The following SPATS2L variants were observed in gnomAD, a reference collection of about 807,000 sequenced individuals.
SPATS2L encodes spermatogenesis associated serine rich 2 like.
In SPATS2L, 30 loss-of-function variants were observed where a neutral mutation model predicts 59.6. That is an observed-to-expected ratio of 0.50 (90% CI 0.38 to 0.68). The LOEUF is 0.68. SPATS2L is among the 30% of genes least tolerant of loss of function. SPATS2L has a pLI of 0.00. For synonymous variants in SPATS2L, 252 were observed against 263.5 expected (o/e 0.96, Z 0.42); for missense variants, 615 against 700.0 (o/e 0.88, Z 1.37).
rs746644267 is a variant in SPATS2L, at chr2:200,389,265, T to C, written c.21T>C (p.His7=). 7 of 1,584,946 alleles carry C rather than the reference T, an allele frequency of 4.4e-6. No homozygotes were observed. Among genetic ancestry groups the C allele is most frequent in the South Asian group, 1.2e-5 (1 of 86,350 alleles). The change falls in exon 3 of 13, where the codon CAT becomes CAC. Residue 7 remains histidine, a synonymous_variant. Coordinates refer to ENST00000409140, the MANE Select transcript of SPATS2L (RefSeq NM_001100423.2). The part of the protein sequence containing the change: MAELNT[H]VNVKEKIYAV... ...GCAAGATGGCTGAACTCAATACTCA[T>C]GTGAATGTCAAGGAAAAGGTAAGAT...
chr2:200,474,123 T>G (rs984827153), intron 12 of SPATS2L, among the ~76,000 whole-genome samples: 92 of 150,920 alleles, frequency 6.1e-4, no homozygotes, highest in African/African-American at 2.3e-3. Context: ...TTTGTAAGAC[T>G]TTAAAAATGG....
At chr2:200,476,017 G>A (rs1211575781) in intron 12 of SPATS2L, among the ~76,000 whole-genome samples, 2 of 152,248 alleles carry the variant, frequency 1.3e-5, no homozygotes, top group East Asian at 3.9e-4. Flanking sequence ...CTTAAAGGGT[G>A]ATTCTGATGT....
At chr2:200,306,498 G>C, upstream of SPATS2L, 2 of 1,002,342 alleles carry the variant, frequency 2.0e-6, no homozygotes, top group Non-Finnish European at 2.4e-6. Context: ...GACGAGATCT[G>C]TGTCAGAACG....
upstream of SPATS2L, chr2:200,306,476 G>A (rs1574341739): frequency 1.0e-6 from 1 of 1,002,322 alleles, no homozygotes; most frequent in Non-Finnish European, 1.2e-6. Flanking sequence ...AGCTAGGGAG[G>A]GCGTGTGGAG....
At chr2:200,380,851 T>G (rs2081785040) in intron 2 of SPATS2L, among the ~76,000 whole-genome samples, 1 of 152,238 alleles carries the variant, frequency 6.6e-6, no homozygotes, top group Non-Finnish European at 1.5e-5. Context: ...CTAAGTATAT[T>G]CATATGAAAT....
At chr2:200,325,489 CTG>C (rs1479720333) in intron 1 of SPATS2L, among the ~76,000 whole-genome samples, 3 of 152,168 alleles carry the variant, frequency 2.0e-5, no homozygotes, top group African/African-American at 7.2e-5. Context: ...AGTAATTCTG[CTG>C]CCTCAGCCTC....
At chr2:200,468,799 T>C (rs1008226349) in intron 10 of SPATS2L, among the ~76,000 whole-genome samples, 1 of 152,242 alleles carries the variant, frequency 6.6e-6, no homozygotes, top group Non-Finnish European at 1.5e-5. Flanking sequence ...TGGACTTCAA[T>C]ATATGTTCCA....
At chr2:200,306,390 A>G, upstream of SPATS2L, 1 of 1,002,190 alleles carries the variant, frequency 1.0e-6, no homozygotes, top group Non-Finnish European at 1.2e-6. Context: ...GGGAAAGGCG[A>G]GGAAGTCGGT....
intron 8 of SPATS2L, among the ~76,000 whole-genome samples, chr2:200,458,576 A>G (rs1239632935): frequency 6.6e-6 from 1 of 152,216 alleles, no homozygotes; most frequent in Non-Finnish European, 1.5e-5. Flanking sequence ...GCTTTGCACA[A>G]CTCTTCAGGA....
chr2:200,340,655 T>C (rs1390128115), intron 2 of SPATS2L, among the ~76,000 whole-genome samples: 1 of 152,126 alleles, frequency 6.6e-6, no homozygotes, highest in Non-Finnish European at 1.5e-5. Context: ...AAGTGCCACA[T>C]TGTCCGGATG....
intron 9 of SPATS2L, among the ~76,000 whole-genome samples, chr2:200,465,173 C>T (rs1011524330): frequency 8.5e-5 from 13 of 152,108 alleles, no homozygotes; most frequent in African/African-American, 2.4e-4. Context: ...CATTAATGTG[C>T]CAAATGGGGC....
intron 2 of SPATS2L, among the ~76,000 whole-genome samples, chr2:200,330,619 C>T (rs1464220774): frequency 1.3e-5 from 2 of 152,178 alleles, no homozygotes; most frequent in Non-Finnish European, 2.9e-5. Flanking sequence ...CTATGTAGAT[C>T]CTGGCAGCCT....
intron 2 of SPATS2L, among the ~76,000 whole-genome samples, chr2:200,352,313 TTATATATATATATATATATATA>T (rs869105613): frequency 3.7e-3 from 32 of 8,642 alleles, no homozygotes; most frequent in African/African-American, 4.9e-3. Flanking sequence ...CCAGCAGTTT[TTATATATATATATATATATATA>T]TATATATATA....
chr2:200,338,986 C>T (rs1454563796), intron 2 of SPATS2L, among the ~76,000 whole-genome samples: 1 of 152,198 alleles, frequency 6.6e-6, no homozygotes, highest in Non-Finnish European at 1.5e-5. Context: ...CTTTGTATCT[C>T]AAGGACAGAA....
chr2:200,369,807 A>C (rs2081372980), intron 2 of SPATS2L, among the ~76,000 whole-genome samples: 1 of 152,162 alleles, frequency 6.6e-6, no homozygotes, highest in Non-Finnish European at 1.5e-5. Flanking sequence ...TTCTGTCAAG[A>C]CTGCGATATT....
At chr2:200,476,858 G>A (rs2087561984) in intron 12 of SPATS2L, among the ~76,000 whole-genome samples, 1 of 152,212 alleles carries the variant, frequency 6.6e-6, no homozygotes, top group South Asian at 2.1e-4. Context: ...TGAACAAATT[G>A]AAGGATAGTA....
chr2:200,426,236 G>T (rs1306547821), intron 6 of SPATS2L, among the ~76,000 whole-genome samples: 1 of 151,734 alleles, frequency 6.6e-6, no homozygotes, highest in East Asian at 1.9e-4. Flanking sequence ...GACTACAGGC[G>T]CATGCCACCA....
intron 2 of SPATS2L, among the ~76,000 whole-genome samples, chr2:200,371,125 A>C (rs891843168): frequency 6.6e-6 from 1 of 152,208 alleles, no homozygotes; most frequent in African/African-American, 2.4e-5. Flanking sequence ...ATGCAATCTT[A>C]GGCTGCATTT....
chr2:200,427,436 C>T (rs2083642957), intron 6 of SPATS2L, among the ~76,000 whole-genome samples: 1 of 149,796 alleles, frequency 6.7e-6, no homozygotes. Flanking sequence ...TCAAGTTATA[C>T]ATATACATAT....
Sources: gnomAD v4.1 joint callset for allele counts (sites outside exome capture counted in the v4.1 genomes callset) on GRCh38, gnomAD v4.1.1 for gene constraint, MANE v1.5 for transcripts, NCBI Gene and HGNC (gene_info 2026-07-23, HGNC 2026-07-21) for gene names.